The following ATG2B variants were observed in gnomAD, a reference collection of about 807,000 sequenced individuals.
ATG2B encodes autophagy-related protein 2 homolog B.
A neutral mutation model predicts 241.3 loss-of-function variants in ATG2B; 121 were observed. The observed-to-expected ratio is 0.50, with a 90% CI of 0.43 to 0.58. ATG2B has a LOEUF of 0.58. ATG2B is among the 20% of genes least tolerant of loss of function. The pLI, the probability that ATG2B is intolerant of heterozygous loss-of-function variation, is 0.00. For synonymous variants in ATG2B, 858 were observed against 876.6 expected, an observed-to-expected ratio of 0.98 and a Z score of 0.37; for missense variants, 2,306 against 2,491.6, an observed-to-expected ratio of 0.93 and a Z score of 1.59.
At chr14:96,350,906 C>CAT (rs1353755581) in intron 1 of ATG2B, among the ~76,000 whole-genome samples, 1 of 152,194 alleles carries the variant, frequency 6.6e-6, no homozygotes, top group Non-Finnish European at 1.5e-5. Context: ...TCTCCTGTCC[C>CAT]ATAGTTCCTT....
chr14:96,279,718 TG>T lies in ATG2B; in HGVS notation c.*6036del, dbSNP rs1314476547. ...AGTTGGGGCGGCCATAGCGCGTTCTTGCCCCAGGCTGTGCATGATTTTCCCC... is the reference window on the plus strand; with the variant it reads ...AGTTGGGGCGGCCATAGCGCGTTCTTCCCCAGGCTGTGCATGATTTTCCCC... On this transcript the variant is annotated 3_prime_UTR_variant, in exon 42 of 42. Transcript: ENST00000359933. 1 of 152,436 alleles carries T rather than the reference TG, an allele frequency of 6.6e-6. No individual in the cohort carries two copies. The highest frequency in any genetic ancestry group is 6.5e-5 in the Admixed American group (1 of 15,310). 9.4% of individuals were successfully genotyped at this position (152,436 alleles called of 1,614,324 possible).
At chr14:96,318,929 G>C (rs892458560) in intron 18 of ATG2B, among the ~76,000 whole-genome samples, 3 of 152,226 alleles carry the variant, frequency 2.0e-5, no homozygotes, top group African/African-American at 7.2e-5. Context: ...CCGCCCAAGA[G>C]AGGGACTTGT....
At chr14:96,362,116 G>C (rs1442011478) in intron 1 of ATG2B, among the ~76,000 whole-genome samples, 1 of 152,090 alleles carries the variant, frequency 6.6e-6, no homozygotes, top group Non-Finnish European at 1.5e-5. Flanking sequence ...TAGAAGGCAG[G>C]TTTTAAAATG....
In ATG2B at chr14:96,322,115, T is replaced by C. The variant is rs748255558; in HGVS notation, c.2876A>G (p.Asn959Ser). The change falls in exon 18 of 42, where the codon AAT (asparagine) becomes AGT (serine). Residue 959 changes from asparagine (N) to serine (S), a missense_variant. Around this residue, in one of 2 missense-constraint regions of ATG2B, gnomAD observed 1,927 missense variants for 2,011.2 expected, o/e 0.96. Coordinates refer to ENST00000359933, the MANE Select transcript of ATG2B (RefSeq NM_018036.7). Reference protein sequence around the residue: ...PNKSFYEKLYNRIFNDLLLWE... With the variant: ...PNKSFYEKLYSRIFNDLLLWE... The stretch of plus-strand genomic sequence containing the variant: ...AACTAAATGTGTATAAACTCACCTA[T>C]TATAAAGCTTCTCATAAAAGCTCTT... 1 of 1,537,758 alleles carries C rather than the reference T, an allele frequency of 6.5e-7. No individual in the cohort carries two copies. The highest frequency in any genetic ancestry group is 8.7e-7 in the Non-Finnish European group (1 of 1,150,018).
chr14:96,290,048 C>A lies in ATG2B; in HGVS notation c.5857-243G>T, dbSNP rs1474706835. The A allele has an allele frequency of 9.1e-7, 1 of 1,099,910 alleles. No homozygotes were observed. Among genetic ancestry groups the A allele is most frequent in the Non-Finnish European group, 1.2e-6 (1 of 832,868 alleles). 68.1% of individuals were successfully genotyped at this position (1,099,910 alleles called of 1,614,324 possible). A position where few individuals can be genotyped will look rare whatever the true frequency, so the allele number is the denominator to read the frequency against. ...AAATTTTTAGCCCCTCCTCTGTTCA[C>A]TGAGAACACTCAACATTTCCACATC... On this transcript the variant is annotated intron_variant, in intron 40 of 41. Coordinates refer to ENST00000359933, the MANE Select transcript of ATG2B (RefSeq NM_018036.7). This position sits in a 1 kb window ranked among gnomAD's most constrained non-coding sequence, Gnocchi z 4.4.
chr14:96,288,604 C>A (rs1430718305), intron 41 of ATG2B, among the ~76,000 whole-genome samples: 1 of 152,018 alleles, frequency 6.6e-6, no homozygotes, highest in Non-Finnish European at 1.5e-5. Flanking sequence ...GGACTTCCTG[C>A]CGTTTGGGAC....
rs1296880935 is a variant in ATG2B at position 96,362,826 on chromosome 14, A to G, written c.151T>C (p.Leu51=). ...CCGGCAGCTCTTACCCATTTGTCCA[A>G]GGGGACCTGGGCGAGGGACCCGGTG... ...QGTGSLAQVP[L]DKWCLNEILE... is the part of the protein sequence containing the mutation. The change falls in exon 1 of 42, where the codon TTG becomes CTG. Residue 51 remains leucine, a synonymous_variant. Transcript: ENST00000359933. 1 of 1,607,512 alleles carries G rather than the reference A, an allele frequency of 6.2e-7. No individual in the cohort carries two copies.
Position 96,290,705 on chromosome 14 carries a change from C to T in ATG2B, c.5701+109G>A. 1.9e-6 allele frequency: 3 copies of T among 1,542,428 alleles called. No individual in the cohort carries two copies. Among genetic ancestry groups the T allele is most frequent in the Non-Finnish European group, 8.8e-7 (1 of 1,137,278 alleles). On this transcript the variant is annotated intron_variant, in intron 39 of 41. Coordinates refer to ENST00000359933, the MANE Select transcript of ATG2B (RefSeq NM_018036.7). This position sits in a 1 kb window ranked among gnomAD's most constrained non-coding sequence, Gnocchi z 4.4. ...AGGCAAAGTTTTGTGTATATGAGTA[C>T]ATATGTGAGTTTTCTAGACTAATGG...
chr14:96,304,605 T>C lies in ATG2B; in HGVS notation c.4734-2A>G. 7.7e-7 allele frequency: 1 copy of C among 1,306,360 alleles called. No homozygotes were observed. Among genetic ancestry groups the C allele is most frequent in the South Asian group, 1.5e-5 (1 of 67,190 alleles). The allele number at this position is 1,306,360 out of a possible 1,614,324, so 80.9% of individuals were successfully genotyped here. A position where few individuals can be genotyped will look rare whatever the true frequency, so the allele number is the denominator to read the frequency against. ...TGAGAAGGCGAACTGTGGGGACTAC[T>C]AAAAATGAGCAAAAAAAAAAAAAAC... On this transcript the variant is annotated splice_acceptor_variant, in intron 31 of 41. Coordinates refer to ENST00000359933, the MANE Select transcript of ATG2B (RefSeq NM_018036.7). LOFTEE classifies it high-confidence loss of function.
chr14:96,329,017 C>G (rs555753700), intron 12 of ATG2B, among the ~76,000 whole-genome samples: 3 of 152,166 alleles, frequency 2.0e-5, no homozygotes, highest in Middle Eastern at 3.4e-3. Context: ...TATAAAGGGT[C>G]AAAGTAACAG....
At chr14:96,351,024 C>G (rs1228588283) in intron 1 of ATG2B, among the ~76,000 whole-genome samples, 1 of 152,170 alleles carries the variant, frequency 6.6e-6, no homozygotes, top group Non-Finnish European at 1.5e-5. Context: ...ACAGGGCCAG[C>G]AGTACATTTT....
chr14:96,347,726 A>C (rs895490122), intron 1 of ATG2B, among the ~76,000 whole-genome samples: 3 of 152,242 alleles, frequency 2.0e-5, no homozygotes, highest in African/African-American at 7.2e-5. Context: ...CAGGCATGTG[A>C]AAAGGTGCTC....
At chr14:96,349,843 G>C (rs529345515) in intron 1 of ATG2B, among the ~76,000 whole-genome samples, 8 of 152,226 alleles carry the variant, frequency 5.3e-5, no homozygotes, top group African/African-American at 1.9e-4. Context: ...CATCTGGGTG[G>C]GAGATACAGA....
chr14:96,320,203 C>G (rs1887423202), intron 18 of ATG2B, among the ~76,000 whole-genome samples: 1 of 152,174 alleles, frequency 6.6e-6, no homozygotes, highest in South Asian at 2.1e-4. Context: ...GTGGACATCT[C>G]TCTAGTAGAG....
At chr14:96,300,104 CA>C in intron 34 of ATG2B, among the ~76,000 whole-genome samples, 1 of 152,292 alleles carries the variant, frequency 6.6e-6, no homozygotes, top group South Asian at 2.1e-4. Flanking sequence ...CATTCTTCCT[CA>C]AGGTAGTCAT....
Position 96,334,627 on chromosome 14 carries a change from ACTCT to A in ATG2B, c.925-130_925-127del, listed in dbSNP as rs111230230. 204 of 523,082 alleles carry A rather than the reference ACTCT, an allele frequency of 3.9e-4. 1 individual carries two copies. The highest frequency in any genetic ancestry group is 3.5e-3 in the African/African-American group (177 of 50,148). The allele number at this position is 523,082 out of a possible 1,614,324, so 32.4% of individuals were successfully genotyped here. A position where few individuals can be genotyped will look rare whatever the true frequency, so the allele number is the denominator to read the frequency against. On this transcript the variant is annotated intron_variant, in intron 6 of 41. Coordinates refer to ENST00000359933, the MANE Select transcript of ATG2B (RefSeq NM_018036.7). Reference sequence around the variant, plus strand: ...TTAGTCTTGGAGTCCTTCATCTGAGACTCTCTCTACTAATTCACACCATCTAAAT... The same window carrying A: ...TTAGTCTTGGAGTCCTTCATCTGAGACTCTACTAATTCACACCATCTAAAT...
rs201932132 is a variant in ATG2B, at chr14:96,290,960, T to G, written c.5580-25A>C. 549 of 1,590,916 alleles carry G rather than the reference T, an allele frequency of 3.5e-4. 1 individual carries two copies. Among genetic ancestry groups the G allele is most frequent in the African/African-American group, 2.5e-3 (188 of 73,838 alleles). On this transcript the variant is annotated intron_variant, in intron 38 of 41. Transcript: ENST00000359933. The surrounding 1 kb of genome is among the most constrained non-coding windows in gnomAD (Gnocchi z 4.4). ...ACTAGAGCAAATGATTATTAGTATG[T>G]CAAAAGGAGAAATACATTTATAGAC...
intron 1 of ATG2B, among the ~76,000 whole-genome samples, chr14:96,357,427 C>A (rs1185108512): frequency 6.6e-6 from 1 of 152,192 alleles, no homozygotes; most frequent in Non-Finnish European, 1.5e-5. Context: ...CTGCAATCTT[C>A]CTATACGTAT....
At chr14:96,339,838 C>A (rs1240511322) in intron 6 of ATG2B, among the ~76,000 whole-genome samples, 1 of 151,412 alleles carries the variant, frequency 6.6e-6, no homozygotes, top group Non-Finnish European at 1.5e-5. Flanking sequence ...AACTCATCTA[C>A]GTAACCAAAA....
Sources: allele counts gnomAD v4.1 joint callset (sites outside exome capture counted in the v4.1 genomes callset), GRCh38; gene constraint gnomAD v4.1.1; regional missense constraint gnomAD v4.1.1; non-coding constraint Gnocchi (gnomAD v3.1); transcripts MANE v1.5; gene names NCBI Gene and HGNC (gene_info 2026-07-23, HGNC 2026-07-21).